TNR: variants seen among roughly 807,000 people sequenced by gnomAD.
TNR encodes the protein tenascin R.
A neutral mutation model predicts 150.4 loss-of-function variants in TNR; 45 were observed. The ratio of observed to expected loss-of-function variants is 0.30; its 90% confidence interval spans 0.24 to 0.38. The LOEUF is 0.38. Ranked by LOEUF, TNR falls within the 10% of genes least tolerant of loss-of-function variation. The probability of loss-of-function intolerance (pLI) is 1.00; values close to 1 mark genes in which losing one functional copy is unlikely to be tolerated. For synonymous variants in TNR, 687 were observed against 678.4 expected (o/e 1.01, Z -0.20); for missense variants, 1,544 against 1,759.1 (o/e 0.88, Z 2.19).
At chr1:175,552,824 C>T (rs184144889) in intron 1 of TNR, among the ~76,000 whole-genome samples, 11 of 152,314 alleles carry the variant, frequency 7.2e-5, no homozygotes, top group Admixed American at 2.0e-4. Context: ...CTTCTTTTCT[C>T]GTGCCTCCAG....
chr1:175,424,068 A>G lies in TNR; in HGVS notation c.-63-17291T>C, dbSNP rs181659181. Among the ~76,000 whole-genome samples the G allele has an allele frequency of 1.1e-4, 17 of 152,354 alleles. No individual in the cohort carries two copies. In the East Asian group the frequency reaches 2.1e-3, roughly 19 times the overall value. On this transcript the variant is annotated intron_variant, in intron 2 of 22. Transcript: ENST00000367674. ...TATAGAATAACTAGAACATACAGAA[A>G]GATTGTATTTTTAATTACTGATTTT...
chr1:175,394,582 C>A (rs556066498), intron 5 of TNR, among the ~76,000 whole-genome samples: 1 of 152,216 alleles, frequency 6.6e-6, no homozygotes, highest in African/African-American at 2.4e-5. Context: ...TGGAAGTGTG[C>A]TTGTCCTAAT....
intron 2 of TNR, among the ~76,000 whole-genome samples, chr1:175,495,045 GCATTCATT>G (rs377016114): frequency 6.6e-6 from 1 of 152,102 alleles, no homozygotes; most frequent in Non-Finnish European, 1.5e-5. Context: ...AGGCACGGCT[GCATTCATT>G]CATTCATTCA....
At chr1:175,696,122 A>G (rs1666508346) in intron 1 of TNR, among the ~76,000 whole-genome samples, 1 of 151,848 alleles carries the variant, frequency 6.6e-6, no homozygotes, top group African/African-American at 2.4e-5. Flanking sequence ...ATTTACAAAT[A>G]CTGTTAACCA....
chr1:175,367,137 G>C (rs1210090806), intron 10 of TNR, 71 bp downstream of exon 10: 7 of 1,414,902 alleles, frequency 4.9e-6, no homozygotes, highest in Non-Finnish European at 6.9e-6. Context: ...ATTTTTGCTG[G>C]GACGAGCCTC....
chr1:175,415,324 C>T (rs1037695287), intron 2 of TNR, among the ~76,000 whole-genome samples: 3 of 152,154 alleles, frequency 2.0e-5, no homozygotes, highest in Admixed American at 6.5e-5. Flanking sequence ...GAGCCAGCTC[C>T]TCTCCATCAG....
intron 1 of TNR, among the ~76,000 whole-genome samples, chr1:175,689,256 G>A (rs1270687996): frequency 6.6e-6 from 1 of 152,220 alleles, no homozygotes; most frequent in Non-Finnish European, 1.5e-5. Context: ...AGGGACTCCA[G>A]ACAGTGGCAC....
At chr1:175,523,207 G>C (rs1659713187) in intron 2 of TNR, among the ~76,000 whole-genome samples, 2 of 152,226 alleles carry the variant, frequency 1.3e-5, no homozygotes, top group Admixed American at 6.5e-5. Flanking sequence ...GTGTGTATTA[G>C]AGAATACTTG....
chr1:175,410,352 A>G (rs1557916123), intron 2 of TNR, among the ~76,000 whole-genome samples: 1 of 152,202 alleles, frequency 6.6e-6, no homozygotes. Flanking sequence ...CATATCAAAC[A>G]TGTATTATGC....
chr1:175,558,657 G>A (rs1202156545), intron 1 of TNR, among the ~76,000 whole-genome samples: 3 of 152,106 alleles, frequency 2.0e-5, no homozygotes, highest in African/African-American at 7.2e-5. Flanking sequence ...AGTTTTACAG[G>A]ATAAAAATTG....
intron 1 of TNR, among the ~76,000 whole-genome samples, chr1:175,582,622 C>T (rs1410307746): frequency 1.3e-5 from 2 of 152,166 alleles, no homozygotes; most frequent in Admixed American, 6.5e-5. Context: ...AGCCAAGAGG[C>T]CTTTACCATG....
intron 1 of TNR, among the ~76,000 whole-genome samples, chr1:175,567,307 G>A (rs1219277864): frequency 6.6e-6 from 1 of 152,206 alleles, no homozygotes; most frequent in Non-Finnish European, 1.5e-5. Context: ...TGGACCATCT[G>A]CCAAGCGAGT....
intron 18 of TNR, among the ~76,000 whole-genome samples, chr1:175,354,038 G>T (rs531662070): frequency 6.6e-6 from 1 of 152,136 alleles, no homozygotes; most frequent in South Asian, 2.1e-4. Context: ...TAGAGACAGG[G>T]TTTTATCATG....
rs771853160 is a variant in TNR, at chr1:175,681,587, T to C, written c.-165+61639A>G. On this transcript the variant is annotated intron_variant, in intron 1 of 22. Coordinates refer to ENST00000367674, the MANE Select transcript of TNR (RefSeq NM_003285.3). ...CTCTCACTCAGCATGCTCCTTCCTG[T>C]CTCCTGCCCTCCAGGGATGGCTTGT... Among the ~76,000 whole-genome samples, 4 of 152,282 alleles carry C rather than the reference T, an allele frequency of 2.6e-5. No individual in the cohort carries two copies. In the Middle Eastern group the frequency reaches 0.01, roughly 388 times the overall value.
intron 11 of TNR, 24 bp downstream of exon 11, chr1:175,365,851 C>G (rs1406692107): frequency 6.2e-7 from 1 of 1,604,360 alleles, no homozygotes; most frequent in Non-Finnish European, 8.5e-7. Context: ...CTGAACCTGG[C>G]TGGGATTTCT....
At chr1:175,681,334 G>T (rs1436167984) in intron 1 of TNR, among the ~76,000 whole-genome samples, 1 of 152,190 alleles carries the variant, frequency 6.6e-6, no homozygotes, top group Non-Finnish European at 1.5e-5. Flanking sequence ...CTAAAGCAGC[G>T]ATGTGGAAGG....
chr1:175,423,271 G>A (rs1434506136), intron 2 of TNR, among the ~76,000 whole-genome samples: 1 of 152,134 alleles, frequency 6.6e-6, no homozygotes, highest in East Asian at 1.9e-4. Context: ...CCAGCTGTGG[G>A]GTCTTCTTTC....
At chr1:175,571,822 C>T (rs778761675) in intron 1 of TNR, among the ~76,000 whole-genome samples, 15 of 152,144 alleles carry the variant, frequency 9.9e-5, no homozygotes, top group Non-Finnish European at 4.4e-5. Flanking sequence ...CTTCAGAGGC[C>T]AAGTTCCAAA....
intron 2 of TNR, among the ~76,000 whole-genome samples, chr1:175,451,164 G>A (rs1263316197): frequency 6.6e-6 from 1 of 151,108 alleles, no homozygotes; most frequent in Non-Finnish European, 1.5e-5. Context: ...AGGAAACTGA[G>A]GCCCAAAGAG....
Sources: allele counts gnomAD v4.1 joint callset (sites outside exome capture counted in the v4.1 genomes callset), GRCh38; gene constraint gnomAD v4.1.1; transcripts MANE v1.5; gene names NCBI Gene and HGNC (gene_info 2026-07-23, HGNC 2026-07-21).